Variants in ADGRB3 observed in about 807,000 individuals in gnomAD.
ADGRB3 encodes brain-specific angiogenesis inhibitor 3.
In ADGRB3, 37 loss-of-function variants were observed where a neutral mutation model predicts 193.4. The ratio of observed to expected loss-of-function variants is 0.19; its 90% CI spans 0.15 to 0.25. The LOEUF (loss-of-function observed/expected upper bound fraction) is 0.25, where lower values mean the gene tolerates loss of function less well. Ranked by LOEUF, ADGRB3 falls within the 10% of genes least tolerant of loss-of-function variation. ADGRB3 has a pLI of 1.00. For synonymous variants in ADGRB3, 690 were observed against 644.2 expected, an observed-to-expected ratio of 1.07 and a Z score of -1.08; for missense variants, 1,637 against 1,852.9, an observed-to-expected ratio of 0.88 and a Z score of 2.14.
chr6:69,297,129 A>G (rs1328488890), intron 20 of ADGRB3, among the ~76,000 whole-genome samples: 1 of 152,134 alleles, frequency 6.6e-6, no homozygotes, highest in Non-Finnish European at 1.5e-5. Flanking sequence ...TTTGGTCAGC[A>G]ACCTTTGGTG....
intron 6 of ADGRB3, among the ~76,000 whole-genome samples, chr6:68,947,435 C>G (rs1236015880): frequency 1.3e-5 from 2 of 152,018 alleles, no homozygotes; most frequent in African/African-American, 4.8e-5. Context: ...TCCTGTTTCT[C>G]TCTCCATGCA....
chr6:69,168,346 C>T (rs1008108655), intron 17 of ADGRB3, among the ~76,000 whole-genome samples: 1 of 152,098 alleles, frequency 6.6e-6, no homozygotes, highest in Non-Finnish European at 1.5e-5. Flanking sequence ...AAGCAGAATT[C>T]TAGCATGGGA....
intron 3 of ADGRB3, among the ~76,000 whole-genome samples, chr6:68,880,361 A>G (rs932206959): frequency 6.6e-6 from 1 of 152,214 alleles, no homozygotes; most frequent in South Asian, 2.1e-4. Context: ...CTATACAACT[A>G]TATGCTACTG....
At chr6:69,362,956 A>G (rs1280855573) in intron 29 of ADGRB3, among the ~76,000 whole-genome samples, 1 of 152,026 alleles carries the variant, frequency 6.6e-6, no homozygotes, top group East Asian at 1.9e-4. Flanking sequence ...CATAATGACT[A>G]TATGGAAGTT....
In ADGRB3 at chr6:68,648,706, A is replaced by G. The variant is rs147508981; in HGVS notation, c.757+9274A>G. Among the ~76,000 whole-genome samples, 470 of 149,456 alleles carry G rather than the reference A, an allele frequency of 3.1e-3. 9 individuals carry two copies. The highest frequency in any genetic ancestry group is 2.3e-3 in the Non-Finnish European group (152 of 67,478). On this transcript the variant is annotated intron_variant, in intron 3 of 31. Transcript: ENST00000370598. ...AAACATTTGCTTTCCTGGGTGGTTCATACTAGATGAGTAGTACACAATATT... is the reference window on the plus strand; with the variant it reads ...AAACATTTGCTTTCCTGGGTGGTTCGTACTAGATGAGTAGTACACAATATT...
chr6:68,702,402 G>A (rs569301241), intron 3 of ADGRB3, among the ~76,000 whole-genome samples: 4 of 152,280 alleles, frequency 2.6e-5, no homozygotes, highest in African/African-American at 9.6e-5. Context: ...ATATTTCAAA[G>A]TGAGATTTGG....
chr6:69,132,630 T>C lies in ADGRB3; in HGVS notation c.2480+56592T>C, dbSNP rs967780640. The stretch of plus-strand genomic sequence containing the variant: ...GCTGTGCAGAAGCTCTTTAGTTTAA[T>C]TAGATCCGATTTGTCTATTTTGGCT... On this transcript the variant is annotated intron_variant, in intron 17 of 31. Coordinates refer to ENST00000370598, the MANE Select transcript of ADGRB3 (RefSeq NM_001704.3). Among the ~76,000 whole-genome samples the C allele has an allele frequency of 3.3e-5, 5 of 152,324 alleles. No homozygotes were observed. In the Middle Eastern group the frequency reaches 0.01, roughly 311 times the overall value.
chr6:69,133,375 T>C (rs769219186), intron 17 of ADGRB3, among the ~76,000 whole-genome samples: 1 of 152,178 alleles, frequency 6.6e-6, no homozygotes, highest in South Asian at 2.1e-4. Context: ...TATTTTATTT[T>C]CTTTGTAGCA....
chr6:69,173,535 A>G (rs572989725), intron 17 of ADGRB3, among the ~76,000 whole-genome samples: 5 of 152,326 alleles, frequency 3.3e-5, no homozygotes, highest in African/African-American at 7.2e-5. Context: ...AAGAATGGTA[A>G]CTTGGAGTAA....
rs952909372 is a variant in ADGRB3, at chr6:68,685,880, G to A, written c.757+46448G>A. ...TGCACTCCAGCCTGGGCGACAGAGC[G>A]AGACTCTGTCTCAAAATATATATAT... is the stretch of plus-strand genomic sequence containing the variant. On this transcript the variant is annotated intron_variant, in intron 3 of 31. Transcript: ENST00000370598. Among the ~76,000 whole-genome samples the A allele has an allele frequency of 5.3e-5, 8 of 152,092 alleles. No individual in the cohort carries two copies. In the East Asian group the frequency reaches 5.8e-4, roughly 11 times the overall value.
intron 17 of ADGRB3, among the ~76,000 whole-genome samples, chr6:69,110,273 G>T (rs1045061862): frequency 1.3e-5 from 2 of 151,928 alleles, no homozygotes; most frequent in Non-Finnish European, 2.9e-5. Context: ...TATTTTTGAG[G>T]TTGTAGTTTT....
intron 17 of ADGRB3, among the ~76,000 whole-genome samples, chr6:69,103,309 A>G (rs1356018829): frequency 1.3e-5 from 2 of 152,196 alleles, no homozygotes; most frequent in Non-Finnish European, 2.9e-5. Context: ...GAAATGAAAT[A>G]CCATGTCAAT....
chr6:69,163,076 C>T (rs1775040324), intron 17 of ADGRB3, among the ~76,000 whole-genome samples: 2 of 152,074 alleles, frequency 1.3e-5, no homozygotes, highest in Non-Finnish European at 2.9e-5. Flanking sequence ...CCTCAGCCTG[C>T]TCTTACCTCC....
chr6:68,666,246 C>T (rs1287865081), intron 3 of ADGRB3, among the ~76,000 whole-genome samples: 1 of 151,866 alleles, frequency 6.6e-6, no homozygotes, highest in Admixed American at 6.6e-5. Context: ...GTCACTAGTT[C>T]CTTCAGTCTC....
intron 6 of ADGRB3, among the ~76,000 whole-genome samples, chr6:68,954,065 T>G (rs774692783): frequency 1.3e-5 from 2 of 152,228 alleles, no homozygotes; most frequent in Non-Finnish European, 2.9e-5. Context: ...TTTTGTGGCA[T>G]ATGGGATTGT....
chr6:68,817,528 A>T (rs946107096), intron 3 of ADGRB3, among the ~76,000 whole-genome samples: 8 of 151,392 alleles, frequency 5.3e-5, no homozygotes, highest in African/African-American at 1.7e-4. Flanking sequence ...ATGCCACTAG[A>T]ATGCTAAAAT....
Position 68,720,716 on chromosome 6 carries a change from T to C in ADGRB3, c.757+81284T>C, listed in dbSNP as rs1456877425. Among the ~76,000 whole-genome samples, 6 of 151,916 alleles carry C rather than the reference T, an allele frequency of 3.9e-5. No individual in the cohort carries two copies. The East Asian group carries it at 1.2e-3, about 30-fold the overall frequency. Reference sequence around the variant, plus strand: ...GACCATATGTGTTTTATTTTAGTCCTGCACTCTCTTCTTCCCACGGTTACC... The same window carrying C: ...GACCATATGTGTTTTATTTTAGTCCCGCACTCTCTTCTTCCCACGGTTACC... On this transcript the variant is annotated intron_variant, in intron 3 of 31. Transcript: ENST00000370598.
At chr6:69,133,393 A>G (rs1056099133) in intron 17 of ADGRB3, among the ~76,000 whole-genome samples, 3 of 152,270 alleles carry the variant, frequency 2.0e-5, no homozygotes, top group African/African-American at 7.2e-5. Context: ...GCAATCGTGA[A>G]TGGGAGTTCA....
intron 22 of ADGRB3, 124 bp downstream of exon 22, chr6:69,328,013 G>C (rs1768616685): frequency 1.4e-6 from 1 of 716,222 alleles, no homozygotes; most frequent in Non-Finnish European, 2.1e-6. Context: ...AATTGCATTA[G>C]TAAGGAACAA....
Sources: allele counts gnomAD v4.1 joint callset (sites outside exome capture counted in the v4.1 genomes callset), GRCh38; gene constraint gnomAD v4.1.1; transcripts MANE v1.5; gene names NCBI Gene and HGNC (gene_info 2026-07-23, HGNC 2026-07-21).